The following GNAT3 variants were observed in gnomAD, a reference collection of about 807,000 sequenced individuals.
GNAT3 encodes the protein G protein subunit alpha transducin 3.
In GNAT3, 31 loss-of-function variants were observed where a neutral mutation model predicts 37.7. The observed-to-expected ratio is 0.82, with a 90% CI of 0.62 to 1.11. The LOEUF is 1.11. Ranked by LOEUF, GNAT3 falls within the 50% of genes most tolerant of loss-of-function variation. GNAT3 has a pLI of 0.00. For missense variants in GNAT3, 437 were observed against 412.5 expected, an observed-to-expected ratio of 1.06 and a Z score of -0.51; for synonymous variants, 138 against 139.8, an observed-to-expected ratio of 0.99 and a Z score of 0.09.
intron 2 of GNAT3, among the ~76,000 whole-genome samples, chr7:80,489,443 G>A (rs1936329602): frequency 6.6e-6 from 1 of 151,852 alleles, no homozygotes; most frequent in South Asian, 2.1e-4. Context: ...TTGTCTTGAA[G>A]TCCTTTGTAT....
intron 5 of GNAT3, among the ~76,000 whole-genome samples, chr7:80,465,736 T>A (rs748847656): frequency 2.3e-4 from 35 of 152,198 alleles, no homozygotes; most frequent in Admixed American, 1.0e-3. Flanking sequence ...TTCTATGTTG[T>A]CAAACAGGTC....
intron 5 of GNAT3, among the ~76,000 whole-genome samples, chr7:80,469,069 T>C (rs2116151326): frequency 6.6e-6 from 1 of 152,254 alleles, no homozygotes; most frequent in South Asian, 2.1e-4. Context: ...AATTGAAATG[T>C]AGCTGCTGGA....
At chr7:80,502,564 C>T (rs1474505654) in intron 1 of GNAT3, among the ~76,000 whole-genome samples, 2 of 151,990 alleles carry the variant, frequency 1.3e-5, no homozygotes, top group East Asian at 1.9e-4. Context: ...CATGGTTTGC[C>T]TATACTGATA....
intron 1 of GNAT3, among the ~76,000 whole-genome samples, chr7:80,496,872 T>C (rs1052323549): frequency 6.6e-6 from 1 of 152,024 alleles, no homozygotes; most frequent in Non-Finnish European, 1.5e-5. Context: ...TTTTTGGTCA[T>C]AGCCATATGT....
At chr7:80,461,349 A>G (rs964360700) in intron 7 of GNAT3, among the ~76,000 whole-genome samples, 1 of 152,000 alleles carries the variant, frequency 6.6e-6, no homozygotes, top group Non-Finnish European at 1.5e-5. Flanking sequence ...AGAGTTCAAG[A>G]CCAGCCTTGG....
intron 5 of GNAT3, among the ~76,000 whole-genome samples, chr7:80,467,018 G>A (rs1200433138): frequency 6.6e-6 from 1 of 152,136 alleles, no homozygotes; most frequent in Non-Finnish European, 1.5e-5. Flanking sequence ...AGGGAAAACA[G>A]TATTTACCCA....
chr7:80,495,017 A>T (rs1790688990), intron 1 of GNAT3, among the ~76,000 whole-genome samples: 1 of 152,132 alleles, frequency 6.6e-6, no homozygotes, highest in Admixed American at 6.5e-5. Flanking sequence ...TGTTTAACTT[A>T]AGATAGTGGT....
At chr7:80,459,381 A>C in intron 7 of GNAT3, among the ~76,000 whole-genome samples, 1 of 152,202 alleles carries the variant, frequency 6.6e-6, no homozygotes, top group East Asian at 1.9e-4. Flanking sequence ...CTACTTCGAT[A>C]GAAATGAAAG....
At chr7:80,462,076 A>G (rs992461448) in intron 7 of GNAT3, 83 bp downstream of exon 7, 22 of 854,396 alleles carry the variant, frequency 2.6e-5, no homozygotes, top group Non-Finnish European at 3.9e-5. Flanking sequence ...CATCCTCATA[A>G]GTATTAAATG....
At chr7:80,483,190 A>T (rs1460978156) in intron 3 of GNAT3, among the ~76,000 whole-genome samples, 2 of 152,104 alleles carry the variant, frequency 1.3e-5, no homozygotes, top group African/African-American at 4.8e-5. Flanking sequence ...AAAAGCTTCA[A>T]GGTGACGCAA....
chr7:80,504,150 TA>T lies in GNAT3; in HGVS notation c.118+7658del, dbSNP rs1790887835. Among the ~76,000 whole-genome samples the T allele has an allele frequency of 5.9e-5, 9 of 152,198 alleles. No individual in the cohort carries two copies. In the South Asian group the frequency reaches 1.7e-3, roughly 28 times the overall value. On this transcript the variant is annotated intron_variant, in intron 1 of 7. Coordinates refer to ENST00000398291, the MANE Select transcript of GNAT3 (RefSeq NM_001102386.3). ...GGGCAACATGCTGAAACTCTGTCTC[TA>T]CAAAAAATAGGAAAATTAGCCAGGT...
chr7:80,488,187 T>C (rs539157607), intron 3 of GNAT3, among the ~76,000 whole-genome samples: 2 of 152,252 alleles, frequency 1.3e-5, no homozygotes, highest in South Asian at 2.1e-4. Flanking sequence ...TGAAATGGCA[T>C]AACTAAAAAA....
chr7:80,462,657 T>C lies in GNAT3; in HGVS notation c.591-26A>G, dbSNP rs375719820. The C allele has an allele frequency of 2.6e-5, 42 of 1,594,958 alleles. No homozygotes were observed. The Middle Eastern group carries it at 5.0e-4, about 19-fold the overall frequency. On this transcript the variant is annotated intron_variant, in intron 5 of 7. Coordinates refer to ENST00000398291, the MANE Select transcript of GNAT3 (RefSeq NM_001102386.3). ...CTTTAAGAAAACATCAAATGAATAA[T>C]AAATCTTGCAAATATCCTCCAAAAT... is the stretch of plus-strand genomic sequence containing the variant.
chr7:80,484,388 G>C (rs192440054), intron 3 of GNAT3, among the ~76,000 whole-genome samples: 3 of 152,224 alleles, frequency 2.0e-5, no homozygotes, highest in Non-Finnish European at 2.9e-5. Context: ...AAATTTCCAA[G>C]TTATTGGACG....
chr7:80,462,427 TG>T (rs1377328931), intron 6 of GNAT3, 74 bp downstream of exon 6: 1 of 1,566,422 alleles, frequency 6.4e-7, no homozygotes, highest in Non-Finnish European at 8.8e-7. Context: ...CTTCATGAGT[TG>T]GGCAATGTGG....
rs1028153956 is a variant in GNAT3 at position 80,478,960 on chromosome 7, C to T, written c.342G>A (p.Leu114=). ...QRQLYAMANT[L]EDGGMTPQLA... The stretch of plus-strand genomic sequence containing the variant: ...GTTGAGGTGTCATGCCACCATCTTC[C>T]AGGGTATTTGCCATTGCATAAAGTT... The change falls in exon 4 of 8, where the codon CTG becomes CTA. Residue 114 remains leucine (L), a synonymous_variant. Coordinates refer to ENST00000398291, the MANE Select transcript of GNAT3 (RefSeq NM_001102386.3). 3.1e-6 allele frequency: 5 copies of T among 1,612,796 alleles called. No homozygotes were observed. Among genetic ancestry groups the T allele is most frequent in the Non-Finnish European group, 4.2e-6 (5 of 1,179,320 alleles).
chr7:80,463,922 A>G (rs1208982837), intron 5 of GNAT3, among the ~76,000 whole-genome samples: 2 of 151,296 alleles, frequency 1.3e-5, no homozygotes, highest in Non-Finnish European at 3.0e-5. Context: ...CAAGCAATTT[A>G]TAGTTTTGGG....
intron 2 of GNAT3, among the ~76,000 whole-genome samples, chr7:80,489,710 T>C (rs1195790608): frequency 2.0e-5 from 3 of 152,074 alleles, no homozygotes; most frequent in Non-Finnish European, 2.9e-5. Context: ...TCTTGCTGCA[T>C]TAAACCATTA....
At chr7:80,464,736 T>G (rs1476259657) in intron 5 of GNAT3, among the ~76,000 whole-genome samples, 2 of 152,100 alleles carry the variant, frequency 1.3e-5, no homozygotes, top group African/African-American at 4.8e-5. Context: ...CCGATCTGAT[T>G]ATTGAAAATA....
Sources: gnomAD v4.1 joint callset for allele counts (sites outside exome capture counted in the v4.1 genomes callset) on GRCh38, gnomAD v4.1.1 for gene constraint, MANE v1.5 for transcripts, NCBI Gene and HGNC (gene_info 2026-07-23, HGNC 2026-07-21) for gene names.